Variants in ZNF185 observed in about 807,000 individuals in gnomAD.
The protein encoded by ZNF185 is zinc finger protein 185.
ZNF185 carries 56 observed loss-of-function variants against 58.6 expected under a neutral mutation model. The observed-to-expected ratio is 0.95, with a 90% confidence interval of 0.77 to 1.19. ZNF185 has a LOEUF of 1.19. ZNF185 is among the 50% of genes most tolerant of loss of function. The pLI, the probability that ZNF185 is intolerant of heterozygous loss-of-function variation, is 0.00. For missense variants in ZNF185, 627 were observed against 573.5 expected (o/e 1.09, Z -0.95); for synonymous variants, 230 against 215.9 (o/e 1.07, Z -0.57).
intron 3 of ZNF185, among the ~76,000 whole-genome samples, chrX:152,916,697 T>G (rs1556865952): frequency 1.8e-5 from 2 of 112,378 alleles, no homozygotes; most frequent in African/African-American, 6.5e-5. Flanking sequence ...TTGAGGGAGA[T>G]CAGGTCAGAC....
chrX:152,939,784 T>TG (rs1203305111), intron 15 of ZNF185, among the ~76,000 whole-genome samples: 2 of 91,540 alleles, frequency 2.2e-5, no homozygotes, highest in East Asian at 3.3e-4. Flanking sequence ...GTGTTTTTTT[T>TG]TTTTTTTTTT....
At chrX:152,913,695 G>A (rs1937708154), upstream of ZNF185, among the ~76,000 whole-genome samples, 1 of 112,041 alleles carries the variant, frequency 8.9e-6, no homozygotes, top group South Asian at 3.7e-4. Flanking sequence ...GCCAACCCCC[G>A]AAGGAAACAG....
intron 15 of ZNF185, among the ~76,000 whole-genome samples, chrX:152,938,883 AAGGCAACTCAGGCGATCTCCTCTAAAG>A (rs1269928695): frequency 2.1e-5 from 2 of 94,483 alleles, no homozygotes; most frequent in African/African-American, 1.0e-4. Context: ...GTGGGTGGAA[AAGGCAACTCAGGCGATCTCCTCTAAAG>A]AGGAGAAGGA....
At chrX:152,941,805 G>A (rs1366692932) in intron 15 of ZNF185, 3 of 1,160,541 alleles carry the variant, frequency 2.6e-6, no homozygotes, top group Admixed American at 2.6e-5. Context: ...GAATGGGCCC[G>A]AGGAGCTGGC....
the ZNF185 span, among the ~76,000 whole-genome samples, chrX:152,906,481 G>T: frequency 8.8e-6 from 1 of 113,259 alleles, no homozygotes; most frequent in Non-Finnish European, 1.9e-5. Flanking sequence ...CTCTGCAGTG[G>T]GCAGCCCAAG....
intron 8 of ZNF185, 115 bp from the exon 10 acceptor site, chrX:152,920,591 AG>A: frequency 5.8e-6 from 6 of 1,037,333 alleles, no homozygotes; most frequent in Non-Finnish European, 8.1e-6. Context: ...GGCTACCACC[AG>A]GGACAGTGAA....
chrX:152,960,460 A>G (rs1379989495), intron 17 of ZNF185, among the ~76,000 whole-genome samples: 1 of 112,173 alleles, frequency 8.9e-6, no homozygotes, highest in African/African-American at 3.2e-5. Context: ...ACCAAGGAAC[A>G]GCCAGGTACT....
chrX:152,935,874 T>G, intron 14 of ZNF185, among the ~76,000 whole-genome samples: 1 of 111,987 alleles, frequency 8.9e-6, no homozygotes, highest in South Asian at 3.7e-4. Context: ...GTCTGCCTGG[T>G]TTACAGAGAC....
At position 152,933,063 on chromosome X, in the gene ZNF185, A is replaced by G; in HGVS notation, c.1121+92A>G. On this transcript the variant is annotated intron_variant, in intron 14 of 22. Coordinates refer to ENST00000449285, the Ensembl canonical transcript of ZNF185. ...CTGCTTGGGCTGCTATGGGTGGGGC[A>G]CTGGTCACTTCCTATGGCTCCTGTC... The G allele has an allele frequency of 7.2e-6, 4 of 555,451 alleles. No individual in the cohort carries two copies. In the East Asian group the frequency reaches 1.5e-4, roughly 21 times the overall value. 45.8% of individuals were successfully genotyped at this position (555,451 alleles called of 1,213,427 possible).
the ZNF185 span, among the ~76,000 whole-genome samples, chrX:152,904,407 C>G: frequency 1.4e-4 from 16 of 112,941 alleles, 1 homozygote; most frequent in South Asian, 5.4e-3. Flanking sequence ...CATCCCCTTC[C>G]CAGAGGAAAG....
At chrX:152,918,933 C>T (rs1157108567) in intron 6 of ZNF185, 50 bp from the exon 8 acceptor site, 1 of 1,001,385 alleles carries the variant, frequency 1.0e-6, no homozygotes, top group East Asian at 3.1e-5. Context: ...GGAAGCCAAG[C>T]TGCTGAGGGT....
chrX:152,910,203 C>T (rs1043781614), upstream of ZNF185, among the ~76,000 whole-genome samples: 7 of 111,749 alleles, frequency 6.3e-5, no homozygotes, highest in African/African-American at 1.6e-4. Context: ...CCACCACGTC[C>T]GGCCCTGGTA....
intron 14 of ZNF185, among the ~76,000 whole-genome samples, chrX:152,933,277 G>C (rs1481788534): frequency 2.7e-5 from 3 of 112,957 alleles, no homozygotes; most frequent in African/African-American, 9.6e-5. Context: ...TCAAATGAAC[G>C]TGTAGGGAAT....
At chrX:152,964,350 C>G (rs1465616259) in intron 18 of ZNF185, among the ~76,000 whole-genome samples, 3 of 112,413 alleles carry the variant, frequency 2.7e-5, no homozygotes, top group Non-Finnish European at 5.6e-5. Flanking sequence ...AATTGGCTCA[C>G]AGTTTGGCAG....
intron 15 of ZNF185, among the ~76,000 whole-genome samples, chrX:152,942,011 G>T (rs782669475): frequency 9.1e-6 from 1 of 109,476 alleles, no homozygotes; most frequent in Non-Finnish European, 1.9e-5. Context: ...GGGCTGCCCA[G>T]GGGGAGGGGG....
intron 19 of ZNF185, among the ~76,000 whole-genome samples, 154 bp from the exon 22 acceptor site, chrX:152,967,013 C>G (rs1556915128): frequency 1.8e-5 from 2 of 111,462 alleles, no homozygotes; most frequent in Non-Finnish European, 3.8e-5. Context: ...CTCCTTTGCC[C>G]CCCCATAGAA....
the ZNF185 span, among the ~76,000 whole-genome samples, chrX:152,901,312 G>A: frequency 1.9e-5 from 2 of 107,486 alleles, no homozygotes; most frequent in South Asian, 8.5e-4. Flanking sequence ...CTAGTCACAG[G>A]CATGATCATA....
chrX:152,930,519 G>A (rs959463749), intron 12 of ZNF185, among the ~76,000 whole-genome samples: 14 of 111,564 alleles, frequency 1.3e-4, no homozygotes, highest in African/African-American at 4.6e-4. Context: ...AGCTGGGCGA[G>A]GGCAGTCTCT....
At chrX:152,928,064 C>G (rs1040825390) in intron 11 of ZNF185, among the ~76,000 whole-genome samples, 13 of 112,196 alleles carry the variant, frequency 1.2e-4, no homozygotes, top group African/African-American at 4.2e-4. Context: ...GGGGAGGGCT[C>G]TGAGCGTGGC....
Sources: allele counts gnomAD v4.1 joint callset (sites outside exome capture counted in the v4.1 genomes callset), GRCh38; gene constraint gnomAD v4.1.1; transcripts MANE v1.5; gene names NCBI Gene and HGNC (gene_info 2026-07-23, HGNC 2026-07-21).